Variants in SLC44A5 observed in about 807,000 individuals in gnomAD.
The protein encoded by SLC44A5 is choline transporter-like protein 5.
In SLC44A5, 57 loss-of-function variants were observed where a neutral mutation model predicts 101.8. That is an observed-to-expected ratio of 0.56 (90% CI 0.45 to 0.70). SLC44A5 has a LOEUF of 0.70. Among genes scored for constraint, SLC44A5 ranks in the 30% least tolerant of loss-of-function variants. The probability of loss-of-function intolerance (pLI) is 0.00; values close to 1 mark genes in which losing one functional copy is unlikely to be tolerated. For synonymous variants in SLC44A5, 281 were observed against 290.9 expected (o/e 0.97, Z 0.35); for missense variants, 737 against 853.1 (o/e 0.86, Z 1.70).
chr1:75,282,233 G>T (rs1378578806), intron 5 of SLC44A5, among the ~76,000 whole-genome samples: 1 of 152,190 alleles, frequency 6.6e-6, no homozygotes, highest in Non-Finnish European at 1.5e-5. Context: ...TTTAATGACT[G>T]CCCTATTGGA....
chr1:75,723,036 C>G, the SLC44A5 span, among the ~76,000 whole-genome samples: 1 of 152,212 alleles, frequency 6.6e-6, no homozygotes, highest in South Asian at 2.1e-4. Context: ...CAGCATTCCA[C>G]AAGTTGCTTC....
At chr1:75,586,946 C>T (rs72973940) in intron 1 of SLC44A5, among the ~76,000 whole-genome samples, 14,914 of 151,834 alleles carry the variant, frequency 0.098, 1,233 homozygotes, top group African/African-American at 0.23. Flanking sequence ...ATGGGAAACT[C>T]TAGACGTAGA....
chr1:75,676,167 A>G, the SLC44A5 span, among the ~76,000 whole-genome samples: 1 of 152,228 alleles, frequency 6.6e-6, no homozygotes, highest in South Asian at 2.1e-4. Flanking sequence ...AACTGGAAAT[A>G]CCGTTTGATG....
At chr1:75,493,152 G>C (rs1485318800) in intron 2 of SLC44A5, among the ~76,000 whole-genome samples, 1 of 152,098 alleles carries the variant, frequency 6.6e-6, no homozygotes, top group Non-Finnish European at 1.5e-5. Flanking sequence ...CGTCATGTTT[G>C]CCCTTTACAA....
chr1:75,494,264 A>G (rs1244361952), intron 2 of SLC44A5, among the ~76,000 whole-genome samples: 2 of 152,132 alleles, frequency 1.3e-5, no homozygotes, highest in African/African-American at 4.8e-5. Context: ...GATCATTATA[A>G]ATTACCCAGT....
chr1:75,466,499 A>G (rs539645644), intron 2 of SLC44A5, among the ~76,000 whole-genome samples: 3 of 152,048 alleles, frequency 2.0e-5, no homozygotes, highest in African/African-American at 7.2e-5. Flanking sequence ...TACTAAAAAT[A>G]CAAAAAGTTA....
the SLC44A5 span, among the ~76,000 whole-genome samples, chr1:75,672,470 C>G: frequency 6.6e-6 from 1 of 152,062 alleles, no homozygotes; most frequent in Non-Finnish European, 1.5e-5. Context: ...AGAGTCCCAC[C>G]ACCATGGGCT....
the SLC44A5 span, among the ~76,000 whole-genome samples, chr1:75,642,811 G>GGA: frequency 6.6e-6 from 1 of 152,016 alleles, no homozygotes; most frequent in Non-Finnish European, 1.5e-5. Context: ...TGGGGGTAGG[G>GGA]GAGAATTCTA....
chr1:75,697,336 C>T, the SLC44A5 span, among the ~76,000 whole-genome samples: 2 of 152,104 alleles, frequency 1.3e-5, no homozygotes, highest in Non-Finnish European at 2.9e-5. Context: ...AAATATATTT[C>T]AATTAAAGCC....
intron 2 of SLC44A5, among the ~76,000 whole-genome samples, chr1:75,396,947 A>G (rs953834120): frequency 3.3e-5 from 5 of 152,178 alleles, no homozygotes; most frequent in Non-Finnish European, 7.4e-5. Context: ...AAAATTCATT[A>G]CTAAGAAATG....
chr1:75,361,826 G>T (rs900735769), intron 3 of SLC44A5, among the ~76,000 whole-genome samples: 18 of 152,076 alleles, frequency 1.2e-4, no homozygotes, highest in East Asian at 7.7e-4. Flanking sequence ...AGGTGTCCTT[G>T]TCTGGCTTTT....
intron 7 of SLC44A5, among the ~76,000 whole-genome samples, chr1:75,250,745 T>G (rs1442404920): frequency 2.0e-5 from 3 of 152,170 alleles, no homozygotes; most frequent in Non-Finnish European, 4.4e-5. Context: ...CACCCTTAAG[T>G]GCTTAAGCCA....
At chr1:75,424,149 A>T (rs1557770514) in intron 2 of SLC44A5, among the ~76,000 whole-genome samples, 1 of 152,244 alleles carries the variant, frequency 6.6e-6, no homozygotes, top group African/African-American at 2.4e-5. Context: ...GTTTCTAAAG[A>T]GGACTGTATA....
upstream of SLC44A5, among the ~76,000 whole-genome samples, chr1:75,611,581 T>C (rs1675659860): frequency 6.6e-6 from 1 of 152,200 alleles, no homozygotes; most frequent in African/African-American, 2.4e-5. Flanking sequence ...GTGAGGTCTG[T>C]AATCCATCAG....
At chr1:75,323,902 AT>A (rs1195121140) in intron 4 of SLC44A5, among the ~76,000 whole-genome samples, 8 of 152,152 alleles carry the variant, frequency 5.3e-5, no homozygotes, top group Non-Finnish European at 7.3e-5. Flanking sequence ...AACAACTGCC[AT>A]TTCCATTACC....
At chr1:75,716,245 C>A in the SLC44A5 span, among the ~76,000 whole-genome samples, 1 of 151,994 alleles carries the variant, frequency 6.6e-6, no homozygotes, top group Non-Finnish European at 1.5e-5. Context: ...TTTGGGAGGC[C>A]GAGGTGGAGG....
At chr1:75,262,831 ATC>A (rs1650646409) in intron 6 of SLC44A5, among the ~76,000 whole-genome samples, 1 of 152,214 alleles carries the variant, frequency 6.6e-6, no homozygotes, top group African/African-American at 2.4e-5. Context: ...AACGTCACAT[ATC>A]TACAACCATC....
intron 12 of SLC44A5, among the ~76,000 whole-genome samples, chr1:75,230,223 A>G (rs775211833): frequency 1.7e-4 from 25 of 150,904 alleles, no homozygotes; most frequent in Non-Finnish European, 1.8e-4. Flanking sequence ...TTAATAAATG[A>G]TACTCCATGT....
intron 1 of SLC44A5, among the ~76,000 whole-genome samples, chr1:75,566,103 G>A (rs1557913971): frequency 6.6e-6 from 1 of 152,148 alleles, no homozygotes; most frequent in Non-Finnish European, 1.5e-5. Context: ...CAATGTTGGA[G>A]GCTGTGAGAA....
Sources: allele counts gnomAD v4.1 joint callset (sites outside exome capture counted in the v4.1 genomes callset), GRCh38; gene constraint gnomAD v4.1.1; transcripts MANE v1.5; gene names NCBI Gene and HGNC (gene_info 2026-07-23, HGNC 2026-07-21).